Variants in LARGE1 observed in about 807,000 individuals in gnomAD.
LARGE1 encodes the protein LARGE xylosyl- and glucuronyltransferase 1.
LARGE1 carries 43 observed loss-of-function variants against 87.6 expected under a neutral mutation model. The observed-to-expected ratio is 0.49, with a 90% CI of 0.38 to 0.63. The LOEUF is 0.63. Ranked by LOEUF, LARGE1 falls within the 30% of genes least tolerant of loss-of-function variation. LARGE1 has a pLI of 0.00. For missense variants in LARGE1, 802 were observed against 1,000.2 expected (o/e 0.80, Z 2.67); for synonymous variants, 434 against 394.6 (o/e 1.10, Z -1.18).
chr22:33,537,712 A>G (rs2077081534), intron 6 of LARGE1, among the ~76,000 whole-genome samples: 1 of 152,112 alleles, frequency 6.6e-6, no homozygotes, highest in Non-Finnish European at 1.5e-5. Flanking sequence ...GACTACAGGC[A>G]CATGCCACCA....
chr22:33,335,099 G>C (rs967715658), intron 10 of LARGE1, among the ~76,000 whole-genome samples: 1 of 152,208 alleles, frequency 6.6e-6, no homozygotes, highest in Non-Finnish European at 1.5e-5. Flanking sequence ...TTTTATGGGA[G>C]CCTTCTCCAT....
the LARGE1 span, among the ~76,000 whole-genome samples, chr22:33,136,776 T>C: frequency 6.6e-6 from 1 of 152,052 alleles, no homozygotes. Context: ...TCAAGGATAA[T>C]GAAGCTTGGG....
chr22:33,624,505 G>A (rs1281256450), intron 4 of LARGE1, among the ~76,000 whole-genome samples: 1 of 152,098 alleles, frequency 6.6e-6, no homozygotes, highest in Non-Finnish European at 1.5e-5. Context: ...GGTGAGGGTG[G>A]GAGGAAATGG....
intron 2 of LARGE1, among the ~76,000 whole-genome samples, chr22:33,696,530 T>C (rs1245161281): frequency 6.6e-6 from 1 of 152,168 alleles, no homozygotes; most frequent in Non-Finnish European, 1.5e-5. Context: ...CCCAAAGTGC[T>C]AGGATTACAG....
intron 2 of LARGE1, among the ~76,000 whole-genome samples, chr22:33,696,263 CTT>C (rs150714476): frequency 6.5e-5 from 4 of 61,676 alleles, no homozygotes; most frequent in Non-Finnish European, 9.8e-5. Context: ...TTCTTTCTTT[CTT>C]TTTTTTTTTT....
rs927962257 is a variant in LARGE1 at position 33,747,496 on chromosome 22, T to C, written c.106+13875A>G. ...ACCTGGCTCTGCTTAATGTCACCAG[T>C]AAGAGAGGCCTGCCCAGATCACCCT... On this transcript the variant is annotated intron_variant, in intron 2 of 14. Coordinates refer to ENST00000397394, the MANE Select transcript of LARGE1 (RefSeq NM_133642.5). Among the ~76,000 whole-genome samples the C allele has an allele frequency of 8.5e-5, 13 of 152,166 alleles. 1 individual carries two copies. The highest frequency in any genetic ancestry group is 1.6e-4 in the Non-Finnish European group (11 of 68,018).
At chr22:33,623,430 A>G (rs1297955664) in intron 4 of LARGE1, among the ~76,000 whole-genome samples, 1 of 152,192 alleles carries the variant, frequency 6.6e-6, no homozygotes. Flanking sequence ...AACTGAAATC[A>G]TAATTCCAAC....
chr22:33,466,555 T>C (rs1601966048), intron 6 of LARGE1, among the ~76,000 whole-genome samples: 1 of 152,198 alleles, frequency 6.6e-6, no homozygotes, highest in East Asian at 1.9e-4. Context: ...TGAATGTTAC[T>C]TGTCATCCCA....
At chr22:33,703,495 G>GAT (rs2082462767) in intron 2 of LARGE1, among the ~76,000 whole-genome samples, 1 of 152,212 alleles carries the variant, frequency 6.6e-6, no homozygotes, top group Admixed American at 6.5e-5. Flanking sequence ...GACTTTGTAG[G>GAT]TATGATTAAA....
chr22:33,497,686 AATATATT>A (rs1461862752), intron 6 of LARGE1, among the ~76,000 whole-genome samples: 1 of 152,162 alleles, frequency 6.6e-6, no homozygotes, highest in Non-Finnish European at 1.5e-5. Flanking sequence ...AGAAGGCATC[AATATATT>A]ATTAATTACT....
At chr22:33,629,399 C>A (rs2080031961) in intron 3 of LARGE1, among the ~76,000 whole-genome samples, 2 of 152,174 alleles carry the variant, frequency 1.3e-5, no homozygotes, top group African/African-American at 4.8e-5. Flanking sequence ...TAAGCACAAG[C>A]ATGCACATTC....
At chr22:33,846,830 C>A (rs527401199) in intron 1 of LARGE1, among the ~76,000 whole-genome samples, 1 of 152,056 alleles carries the variant, frequency 6.6e-6, no homozygotes, top group African/African-American at 2.4e-5. Context: ...TTGGTCAGAC[C>A]GGTTGCTCTC....
intron 4 of LARGE1, among the ~76,000 whole-genome samples, chr22:33,615,467 A>G (rs1280059439): frequency 1.4e-5 from 2 of 147,306 alleles, no homozygotes; most frequent in Non-Finnish European, 3.0e-5. Context: ...ACAATGAAAG[A>G]AAAAACAGAT....
At chr22:33,640,027 A>G (rs925336482) in intron 3 of LARGE1, among the ~76,000 whole-genome samples, 2 of 152,220 alleles carry the variant, frequency 1.3e-5, no homozygotes, top group Admixed American at 6.5e-5. Context: ...CGGAGCCCAG[A>G]GAAGTTTCCG....
At chr22:33,711,553 C>G (rs767167503) in intron 2 of LARGE1, among the ~76,000 whole-genome samples, 1 of 152,204 alleles carries the variant, frequency 6.6e-6, no homozygotes, top group Non-Finnish European at 1.5e-5. Context: ...GGAAAACTGC[C>G]TGCTACCTAT....
At chr22:33,867,578 C>T (rs575136574) in intron 1 of LARGE1, among the ~76,000 whole-genome samples, 1 of 152,258 alleles carries the variant, frequency 6.6e-6, no homozygotes. Context: ...CACTATGCTG[C>T]CTGCGTTTCT....
chr22:33,595,262 A>C (rs2078947145), intron 5 of LARGE1, among the ~76,000 whole-genome samples: 1 of 152,174 alleles, frequency 6.6e-6, no homozygotes, highest in Non-Finnish European at 1.5e-5. Context: ...AGTTAAATGA[A>C]GTATGAATGA....
intron 1 of LARGE1, among the ~76,000 whole-genome samples, chr22:33,903,442 T>A (rs2065343444): frequency 6.6e-6 from 1 of 152,054 alleles, no homozygotes; most frequent in South Asian, 2.1e-4. Flanking sequence ...CCATTCTGAA[T>A]TTTTTTAAAA....
chr22:33,337,842 G>T (rs775629905), intron 9 of LARGE1, 41 bp from the exon 10 acceptor site: 8 of 1,610,248 alleles, frequency 5.0e-6, no homozygotes, highest in Non-Finnish European at 6.8e-6. Flanking sequence ...TGGCAGGGGT[G>T]GGGTGGGGAT....
Sources: gnomAD v4.1 joint callset for allele counts (sites outside exome capture counted in the v4.1 genomes callset) on GRCh38, gnomAD v4.1.1 for gene constraint, MANE v1.5 for transcripts, NCBI Gene and HGNC (gene_info 2026-07-23, HGNC 2026-07-21) for gene names.